The following TCEA1 variants were observed in gnomAD, a reference collection of about 807,000 sequenced individuals.
The protein encoded by TCEA1 is transcription elongation factor A1.
A neutral mutation model predicts 43.8 loss-of-function variants in TCEA1; 21 were observed. That is an observed-to-expected ratio of 0.48 (90% CI 0.34 to 0.69). The LOEUF is 0.69. Among genes scored for constraint, TCEA1 ranks in the 30% least tolerant of loss-of-function variants. The pLI is 0.01. For synonymous variants in TCEA1, 104 were observed against 117.5 expected (o/e 0.88, Z 0.75); for missense variants, 250 against 365.1 (o/e 0.68, Z 2.57).
At chr8:53,975,695 TGA>T (rs1173973654) in intron 8 of TCEA1, among the ~76,000 whole-genome samples, 2 of 152,182 alleles carry the variant, frequency 1.3e-5, no homozygotes. Flanking sequence ...AGTCAAATTC[TGA>T]GAGTCAGAGA....
chr8:53,996,374 C>A (rs1804052310), intron 3 of TCEA1, among the ~76,000 whole-genome samples: 1 of 152,210 alleles, frequency 6.6e-6, no homozygotes, highest in African/African-American at 2.4e-5. Flanking sequence ...AGGTATTTAA[C>A]CGCTCAGTGC....
chr8:54,021,845 G>C (rs982206994), intron 1 of TCEA1: 1 of 404,330 alleles, frequency 2.5e-6, no homozygotes, highest in Non-Finnish European at 4.3e-6. Context: ...CAGCGAGCAG[G>C]GACTGGAAAT....
At chr8:54,008,849 A>AT (rs1475756551) in intron 2 of TCEA1, among the ~76,000 whole-genome samples, 55 of 147,762 alleles carry the variant, frequency 3.7e-4, no homozygotes, top group East Asian at 2.6e-3. Context: ...TTATTTATTT[A>AT]TTTATTTTTT....
At chr8:53,974,250 A>G (rs879753118) in intron 8 of TCEA1, 1 of 153,206 alleles carries the variant, frequency 6.5e-6, no homozygotes, top group Admixed American at 6.5e-5. Context: ...CATCCCCTAA[A>G]ATATACAGAA....
At chr8:54,021,017 G>A (rs555248746) in intron 1 of TCEA1, among the ~76,000 whole-genome samples, 5 of 151,872 alleles carry the variant, frequency 3.3e-5, no homozygotes, top group African/African-American at 1.2e-4. Flanking sequence ...GTGAAACCCC[G>A]TTTCTACTAA....
intron 8 of TCEA1, among the ~76,000 whole-genome samples, chr8:53,975,534 T>C (rs1011407065): frequency 6.6e-6 from 1 of 152,156 alleles, no homozygotes; most frequent in Non-Finnish European, 1.5e-5. Flanking sequence ...GGTATGAACA[T>C]ACAATGGAAT....
At chr8:54,005,120 T>C (rs575221173) in intron 2 of TCEA1, among the ~76,000 whole-genome samples, 4 of 152,238 alleles carry the variant, frequency 2.6e-5, no homozygotes, top group Non-Finnish European at 4.4e-5. Flanking sequence ...CAGTCTGTTA[T>C]ATCCCAACTC....
At chr8:53,991,189 TC>T (rs1803863669) in intron 4 of TCEA1, among the ~76,000 whole-genome samples, 1 of 152,014 alleles carries the variant, frequency 6.6e-6, no homozygotes, top group African/African-American at 2.4e-5. Flanking sequence ...GGTCAGGAGT[TC>T]GAGACCAGCC....
chr8:54,012,748 C>T (rs1305598132), intron 1 of TCEA1, among the ~76,000 whole-genome samples: 1 of 151,882 alleles, frequency 6.6e-6, no homozygotes. Context: ...GAAGTCTGGA[C>T]AACACAGCAT....
rs1219946984 is a variant in TCEA1, at chr8:53,993,725, T to C, written c.263A>G (p.Glu88Gly). The C allele has an allele frequency of 5.6e-6, 9 of 1,613,752 alleles. No individual in the cohort carries two copies. Among genetic ancestry groups the C allele is most frequent in the South Asian group, 2.2e-5 (2 of 91,006 alleles). Reference protein sequence around the residue: ...DGPSTEKDLDEKKKEPAITSQ... With the variant: ...DGPSTEKDLDGKKKEPAITSQ... ...TGTAATTGCAGGTTCTTTCTTCTTT[T>C]CGTCAAGGTCTTTCTCAGTTGATGG... is the stretch of plus-strand genomic sequence containing the variant. Residue 88 changes from glutamate (E) to glycine (G), a missense_variant, in exon 4 of 10, where the codon GAA becomes GGA. Physicochemically the swap from Glu to Gly is moderately conservative, Grantham distance 98. Transcript: ENST00000521604.
chr8:53,995,164 G>A (rs1362161902), intron 3 of TCEA1, among the ~76,000 whole-genome samples: 1 of 151,856 alleles, frequency 6.6e-6, no homozygotes, highest in African/African-American at 2.4e-5. Context: ...AGCTGGACAT[G>A]GTGGTGCACA....
chr8:53,971,865 C>A, intron 8 of TCEA1: 1 of 216,386 alleles, frequency 4.6e-6, no homozygotes, highest in Non-Finnish European at 8.9e-6. Context: ...GAAAATAAAA[C>A]TGATATAGAT....
intron 4 of TCEA1, among the ~76,000 whole-genome samples, chr8:53,991,750 G>A (rs1803889961): frequency 6.6e-6 from 1 of 151,100 alleles, no homozygotes; most frequent in Admixed American, 6.6e-5. Flanking sequence ...GAGAGACTGA[G>A]GAACTATTCC....
intron 1 of TCEA1, 78 bp from the exon 2 acceptor site, chr8:54,010,570 A>G: frequency 8.5e-7 from 1 of 1,176,084 alleles, no homozygotes; most frequent in Non-Finnish European, 1.2e-6. Flanking sequence ...TTCATGGGAG[A>G]ATCACAGAAA....
intron 4 of TCEA1, among the ~76,000 whole-genome samples, chr8:53,991,643 G>A (rs868309543): frequency 8.0e-5 from 12 of 150,474 alleles, no homozygotes; most frequent in African/African-American, 1.5e-4. Context: ...GCGGTGAGCT[G>A]AGATTGTGCC....
intron 4 of TCEA1, among the ~76,000 whole-genome samples, chr8:53,989,121 G>C (rs1803788498): frequency 6.6e-6 from 1 of 151,908 alleles, no homozygotes; most frequent in South Asian, 2.1e-4. Context: ...CTTAGACAGT[G>C]AGTTCCCCAG....
chr8:54,017,153 G>C (rs1303570071), intron 1 of TCEA1, among the ~76,000 whole-genome samples: 1 of 152,126 alleles, frequency 6.6e-6, no homozygotes, highest in Non-Finnish European at 1.5e-5. Flanking sequence ...AATGAGGGCT[G>C]AATGAGGAGT....
intron 8 of TCEA1, chr8:53,973,181 G>T: frequency 1.9e-6 from 1 of 515,438 alleles, no homozygotes; most frequent in South Asian, 1.8e-5. Flanking sequence ...GAAGGACGAT[G>T]AAGAACAAAT....
intron 7 of TCEA1, among the ~76,000 whole-genome samples, chr8:53,981,754 C>CTTT (rs113461227): frequency 1.4e-5 from 2 of 140,762 alleles, no homozygotes. Flanking sequence ...GTAATTCTGA[C>CTTT]TTTTTTTTTT....
Sources: allele counts gnomAD v4.1 joint callset (sites outside exome capture counted in the v4.1 genomes callset), GRCh38; gene constraint gnomAD v4.1.1; transcripts MANE v1.5; gene names NCBI Gene and HGNC (gene_info 2026-07-23, HGNC 2026-07-21).